DLGAP2: variants seen among roughly 807,000 people sequenced by gnomAD.
DLGAP2 encodes disks large-associated protein 2.
In DLGAP2, 26 loss-of-function variants were observed where a neutral mutation model predicts 100.3. That is an observed-to-expected ratio of 0.26 (90% CI 0.19 to 0.36). The LOEUF is 0.36. DLGAP2 is among the 10% of genes least tolerant of loss of function. The pLI is 1.00. For missense variants in DLGAP2, 1,858 were observed against 1,453.2 expected, an observed-to-expected ratio of 1.28 and a Z score of -4.53; for synonymous variants, 886 against 630.1, an observed-to-expected ratio of 1.41 and a Z score of -6.08.
intron 2 of DLGAP2, among the ~76,000 whole-genome samples, chr8:1,088,200 A>G (rs1185450826): frequency 1.3e-5 from 2 of 152,202 alleles, no homozygotes; most frequent in African/African-American, 4.8e-5. Context: ...CAATTTCTGC[A>G]CTAGTCCTGG....
At chr8:926,921 C>A in intron 2 of DLGAP2, 1 of 693,780 alleles carries the variant, frequency 1.4e-6, no homozygotes, top group Non-Finnish European at 1.8e-6. Context: ...CAGGTGTTCC[C>A]TGAGCCGGAT....
At chr8:1,313,095 C>G (rs761691492) in intron 3 of DLGAP2, among the ~76,000 whole-genome samples, 17 of 152,204 alleles carry the variant, frequency 1.1e-4, no homozygotes, top group Admixed American at 7.2e-4. Flanking sequence ...CCCCTGGACC[C>G]GGTCAGATAT....
chr8:1,226,754 T>C (rs1189841404), intron 2 of DLGAP2, among the ~76,000 whole-genome samples: 2 of 152,016 alleles, frequency 1.3e-5, no homozygotes, highest in African/African-American at 2.4e-5. Flanking sequence ...CTGTTGAACG[T>C]TTGTGTAATC....
intron 1 of DLGAP2, among the ~76,000 whole-genome samples, chr8:804,443 C>T (rs1488800690): frequency 1.3e-5 from 2 of 152,212 alleles, no homozygotes; most frequent in African/African-American, 2.4e-5. Context: ...ATACGTACTT[C>T]TGTTTCGAGG....
intron 1 of DLGAP2, among the ~76,000 whole-genome samples, chr8:741,437 C>A (rs998273712): frequency 1.3e-5 from 2 of 152,198 alleles, no homozygotes; most frequent in African/African-American, 4.8e-5. Context: ...TTCTCCCAGT[C>A]CTCAGGTCAT....
chr8:1,340,702 T>C (rs543865344), intron 3 of DLGAP2, among the ~76,000 whole-genome samples: 84 of 152,302 alleles, frequency 5.5e-4, no homozygotes, highest in African/African-American at 1.8e-3. Context: ...ACAAACACCA[T>C]TGGACTCAGC....
rs193240468 is a variant in DLGAP2, at chr8:1,666,925, C to G, written c.1811-1404C>G. Among the ~76,000 whole-genome samples, 407 of 152,280 alleles carry G rather than the reference C, an allele frequency of 2.7e-3. 5 individuals carry two copies. The highest frequency in any genetic ancestry group is 0.02 in the South Asian group (98 of 4,824). On this transcript the variant is annotated intron_variant, in intron 8 of 14. Transcript: ENST00000637795. The stretch of plus-strand genomic sequence containing the variant: ...CCACCTGCAGCAGCCGGCAGCTGCT[C>G]TCGGGCACCGTGTCTGGACATCCTT...
At chr8:1,177,948 G>A (rs1797297797) in intron 2 of DLGAP2, among the ~76,000 whole-genome samples, 1 of 152,252 alleles carries the variant, frequency 6.6e-6, no homozygotes, top group Non-Finnish European at 1.5e-5. Flanking sequence ...ACCAGCTGAG[G>A]CCTCAGTGAT....
At chr8:1,184,615 C>T (rs545976235) in intron 2 of DLGAP2, among the ~76,000 whole-genome samples, 43 of 152,214 alleles carry the variant, frequency 2.8e-4, no homozygotes, top group African/African-American at 9.4e-4. Context: ...AGGCAGATGC[C>T]GAGCCTGGGG....
chr8:1,142,072 A>C (rs544323043), intron 2 of DLGAP2, among the ~76,000 whole-genome samples: 246 of 96,318 alleles, frequency 2.6e-3, no homozygotes, highest in Non-Finnish European at 5.5e-3. Flanking sequence ...CTACGTATAT[A>C]AGTTTTTTTT....
chr8:1,027,834 G>C (rs1223237090), intron 2 of DLGAP2, among the ~76,000 whole-genome samples: 1 of 131,348 alleles, frequency 7.6e-6, no homozygotes, highest in African/African-American at 2.9e-5. Context: ...TGGGGTGTCA[G>C]GCGCCCGTTA....
intron 2 of DLGAP2, among the ~76,000 whole-genome samples, chr8:1,244,266 GT>G (rs1798860302): frequency 6.6e-6 from 1 of 152,234 alleles, no homozygotes; most frequent in Non-Finnish European, 1.5e-5. Context: ...CATAGACTCT[GT>G]CACAATGTGG....
intron 2 of DLGAP2, among the ~76,000 whole-genome samples, chr8:1,167,290 C>G (rs1797035369): frequency 1.3e-5 from 2 of 152,206 alleles, no homozygotes; most frequent in South Asian, 4.1e-4. Flanking sequence ...ACCACAGCAA[C>G]TTCAAGAGCA....
chr8:1,498,655 C>T (rs1799619282), intron 3 of DLGAP2, among the ~76,000 whole-genome samples: 1 of 152,144 alleles, frequency 6.6e-6, no homozygotes, highest in South Asian at 2.1e-4. Flanking sequence ...AGAGAGTAAC[C>T]TGAATAACTG....
At chr8:815,407 T>C (rs572533119) in intron 1 of DLGAP2, among the ~76,000 whole-genome samples, 1 of 152,348 alleles carries the variant, frequency 6.6e-6, no homozygotes, top group East Asian at 1.9e-4. Context: ...ATGTGAATTT[T>C]GGAGACCTTT....
intron 3 of DLGAP2, among the ~76,000 whole-genome samples, chr8:1,274,076 T>C (rs1253290631): frequency 6.6e-6 from 1 of 152,194 alleles, no homozygotes; most frequent in African/African-American, 2.4e-5. Context: ...GCGTGACGGC[T>C]CTGTTCAGCA....
intron 2 of DLGAP2, among the ~76,000 whole-genome samples, chr8:1,070,469 A>G (rs1803392780): frequency 6.6e-6 from 1 of 152,254 alleles, no homozygotes; most frequent in East Asian, 1.9e-4. Flanking sequence ...TCAACATACA[A>G]CCCCAAAATG....
intron 2 of DLGAP2, among the ~76,000 whole-genome samples, chr8:936,353 A>C (rs762785041): frequency 7.9e-5 from 12 of 152,124 alleles, no homozygotes; most frequent in Non-Finnish European, 1.8e-4. Flanking sequence ...CCAATGTGTA[A>C]AACTCGGGAA....
chr8:950,629 T>C (rs1284424244), intron 2 of DLGAP2, among the ~76,000 whole-genome samples: 23 of 149,084 alleles, frequency 1.5e-4, no homozygotes, highest in Admixed American at 1.2e-3. Flanking sequence ...TTTCTTTTTT[T>C]TTTTTTTTTT....
Sources: allele counts gnomAD v4.1 joint callset (sites outside exome capture counted in the v4.1 genomes callset), GRCh38; gene constraint gnomAD v4.1.1; transcripts MANE v1.5; gene names NCBI Gene and HGNC (gene_info 2026-07-23, HGNC 2026-07-21).